Variants in SLC16A10 observed in about 807,000 individuals in gnomAD.
SLC16A10 encodes solute carrier family 16 member 10.
A neutral mutation model predicts 40.0 loss-of-function variants in SLC16A10; 27 were observed. That is an observed-to-expected ratio of 0.67 (90% confidence interval 0.50 to 0.93). The LOEUF (loss-of-function observed/expected upper bound fraction) is 0.93, where lower values mean the gene tolerates loss of function less well. Ranked by LOEUF, SLC16A10 falls within the 40% of genes least tolerant of loss-of-function variation. The probability of loss-of-function intolerance (pLI) is 0.00; values close to 1 mark genes in which losing one functional copy is unlikely to be tolerated. For missense variants in SLC16A10, 529 were observed against 658.2 expected (o/e 0.80, Z 2.15); for synonymous variants, 213 against 249.8 (o/e 0.85, Z 1.39).
chr6:111,109,842 T>A (rs573918561), intron 1 of SLC16A10, among the ~76,000 whole-genome samples: 5 of 152,350 alleles, frequency 3.3e-5, no homozygotes, highest in Admixed American at 1.3e-4. Flanking sequence ...TGAACATTTG[T>A]ATGCAAACCT....
chr6:111,187,488 CA>C (rs1367394714), intron 3 of SLC16A10, among the ~76,000 whole-genome samples: 6 of 151,738 alleles, frequency 4.0e-5, no homozygotes, highest in Non-Finnish European at 8.8e-5. Flanking sequence ...CCCTGCCCTA[CA>C]AAAAAAGAAA....
intron 3 of SLC16A10, among the ~76,000 whole-genome samples, chr6:111,180,108 A>G (rs1469656314): frequency 6.6e-6 from 1 of 152,250 alleles, no homozygotes; most frequent in Non-Finnish European, 1.5e-5. Flanking sequence ...AGGAGCATAA[A>G]CCTAGTACAT....
At chr6:111,141,592 G>A (rs1437570144) in intron 1 of SLC16A10, among the ~76,000 whole-genome samples, 1 of 151,338 alleles carries the variant, frequency 6.6e-6, no homozygotes, top group Non-Finnish European at 1.5e-5. Flanking sequence ...AACCAGGGAG[G>A]CAGAGGTTGT....
At chr6:111,210,739 A>C (rs1182592294) in intron 4 of SLC16A10, among the ~76,000 whole-genome samples, 3 of 152,194 alleles carry the variant, frequency 2.0e-5, no homozygotes, top group African/African-American at 2.4e-5. Flanking sequence ...ACTTTGCTTT[A>C]AGAGTAGTGG....
At chr6:111,099,555 T>A (rs1233854191) in intron 1 of SLC16A10, among the ~76,000 whole-genome samples, 1 of 151,966 alleles carries the variant, frequency 6.6e-6, no homozygotes, top group East Asian at 1.9e-4. Flanking sequence ...GCTCAAGCAA[T>A]CCTCCTGCCT....
At chr6:111,164,476 C>T (rs529116592) in intron 1 of SLC16A10, among the ~76,000 whole-genome samples, 1 of 152,022 alleles carries the variant, frequency 6.6e-6, no homozygotes, top group African/African-American at 2.4e-5. Context: ...GCCCAAGAAG[C>T]AGGCTGGGTG....
rs749432048 is a variant in SLC16A10, at chr6:111,087,955, G to A, written c.203G>A (p.Gly68Asp). ...PHEPPEPPEG[G>D]WGWLVMLAAM... ...GAGCCCCCCGAACCCCCCGAGGGCG[G>A]CTGGGGCTGGCTGGTGATGCTGGCG... is the stretch of plus-strand genomic sequence containing the variant. The change falls in exon 1 of 6, where the codon GGC becomes GAC. Residue 68 changes from glycine (G) to aspartate (D), a missense_variant. Transcript: ENST00000368851. 1.2e-6 allele frequency: 2 copies of A among 1,610,258 alleles called. No individual in the cohort carries two copies. The highest frequency in any genetic ancestry group is 1.7e-6 in the Non-Finnish European group (2 of 1,178,782).
intron 3 of SLC16A10, among the ~76,000 whole-genome samples, chr6:111,183,286 T>G (rs354530): frequency 0.76 from 115,718 of 152,028 alleles, 45,020 homozygotes; most frequent in Non-Finnish European, 0.86. Context: ...ACCGCTCCTA[T>G]TACTCCTTTT....
intron 1 of SLC16A10, among the ~76,000 whole-genome samples, chr6:111,118,679 C>CAAAAA (rs74273023): frequency 3.0e-5 from 2 of 66,552 alleles, no homozygotes; most frequent in African/African-American, 5.8e-5. Flanking sequence ...GCCTCCGTCT[C>CAAAAA]AAAAAAAAAA....
chr6:111,106,172 G>C (rs1289700085), intron 1 of SLC16A10, among the ~76,000 whole-genome samples: 1 of 152,138 alleles, frequency 6.6e-6, no homozygotes, highest in East Asian at 1.9e-4. Context: ...TTTCTCCTCA[G>C]AGTTTGAAAA....
At chr6:111,135,627 T>C (rs1437356809) in intron 1 of SLC16A10, among the ~76,000 whole-genome samples, 1 of 152,218 alleles carries the variant, frequency 6.6e-6, no homozygotes, top group South Asian at 2.1e-4. Context: ...CCTTTGAAGA[T>C]CCTTCGAACC....
At chr6:111,206,764 CA>C in intron 4 of SLC16A10, 29 bp downstream of exon 4, 2 of 1,602,838 alleles carry the variant, frequency 1.2e-6, no homozygotes, top group Non-Finnish European at 1.7e-6. Context: ...TTTCCCCTAT[CA>C]AAAATTACTC....
intron 1 of SLC16A10, among the ~76,000 whole-genome samples, chr6:111,123,934 C>G (rs1207328823): frequency 6.6e-6 from 1 of 152,052 alleles, no homozygotes; most frequent in Admixed American, 6.6e-5. Context: ...TTCAAGAATC[C>G]CCAGAATTGA....
At chr6:111,213,106 AT>A (rs944602734) in intron 4 of SLC16A10, among the ~76,000 whole-genome samples, 1 of 152,224 alleles carries the variant, frequency 6.6e-6, no homozygotes, top group African/African-American at 2.4e-5. Context: ...GTATGAAAGA[AT>A]TGAAAACTTG....
intron 5 of SLC16A10, among the ~76,000 whole-genome samples, chr6:111,221,008 A>G (rs1437297566): frequency 6.6e-6 from 1 of 152,226 alleles, no homozygotes; most frequent in Non-Finnish European, 1.5e-5. Context: ...TGTCTATTTT[A>G]TATATGCAGA....
At chr6:111,217,540 C>A (rs1770784240) in intron 4 of SLC16A10, among the ~76,000 whole-genome samples, 1 of 152,114 alleles carries the variant, frequency 6.6e-6, no homozygotes, top group Non-Finnish European at 1.5e-5. Flanking sequence ...AGCTCCACCC[C>A]CCGGATTCAC....
rs1771045200 is a variant in SLC16A10 at position 111,228,326 on chromosome 6, A to G, written c.*6091A>G. 1 of 152,206 alleles carries G rather than the reference A, an allele frequency of 6.6e-6. No homozygotes were observed. The highest frequency in any genetic ancestry group is 1.5e-5 in the Non-Finnish European group (1 of 68,030). The allele number at this position is 152,206 out of a possible 1,614,324, so 9.4% of individuals were successfully genotyped here. A position where few individuals can be genotyped will look rare whatever the true frequency, so the allele number is the denominator to read the frequency against. On this transcript the variant is annotated 3_prime_UTR_variant, in exon 6 of 6. Transcript: ENST00000368851. ...TCCTAGTAGAACAAGGACTGGGACA[A>G]TGAATTTTTGACTCACTGGAGTTTT...
rs1292355953 is a variant in SLC16A10 at position 111,226,740 on chromosome 6, G to A, written c.*4505G>A. On this transcript the variant is annotated 3_prime_UTR_variant, in exon 6 of 6. Transcript: ENST00000368851. Reference sequence around the variant, plus strand: ...TAACTCTTAAAAAGACCAGCTTTTTGTCTTGTTATGAAAACAAAACGCAAT... The same window carrying A: ...TAACTCTTAAAAAGACCAGCTTTTTATCTTGTTATGAAAACAAAACGCAAT... 1 of 152,174 alleles carries A rather than the reference G, an allele frequency of 6.6e-6. No individual in the cohort carries two copies. The highest frequency in any genetic ancestry group is 1.5e-5 in the Non-Finnish European group (1 of 68,014). The allele number at this position is 152,174 out of a possible 1,614,324, so 9.4% of individuals were successfully genotyped here.
In SLC16A10 at chr6:111,131,248, C is replaced by T. The variant is rs115177651; in HGVS notation, c.344-41447C>T. Among the ~76,000 whole-genome samples, 850 of 152,324 alleles carry T rather than the reference C, an allele frequency of 5.6e-3. 8 individuals are homozygous for T. The highest frequency in any genetic ancestry group is 0.019 in the African/African-American group (774 of 41,564). On this transcript the variant is annotated intron_variant, in intron 1 of 5. Coordinates refer to ENST00000368851, the MANE Select transcript of SLC16A10 (RefSeq NM_018593.5). ...GGTCCAGCGAGGTGGTGCCCATTGC[C>T]GCTCCCAATCGGGCTAGGGGCTTGC...
Sources: gnomAD v4.1 joint callset for allele counts (sites outside exome capture counted in the v4.1 genomes callset) on GRCh38, gnomAD v4.1.1 for gene constraint, MANE v1.5 for transcripts, NCBI Gene and HGNC (gene_info 2026-07-23, HGNC 2026-07-21) for gene names.